TRPV2: variants seen among roughly 807,000 people sequenced by gnomAD.
The protein encoded by TRPV2 is transient receptor potential cation channel subfamily V member 2, also known as OTRPC2.
TRPV2 carries 58 observed loss-of-function variants against 91.0 expected under a neutral mutation model. The ratio of observed to expected loss-of-function variants is 0.64; its 90% CI spans 0.52 to 0.79. The LOEUF is 0.79. Ranked by LOEUF, TRPV2 falls within the 30% of genes least tolerant of loss-of-function variation. The pLI, the probability that TRPV2 is intolerant of heterozygous loss-of-function variation, is 0.00. For synonymous variants in TRPV2, 417 were observed against 414.8 expected (o/e 1.01, Z -0.06); for missense variants, 807 against 969.6 (o/e 0.83, Z 2.23).
At chr17:16,434,716 C>T (rs2093428111) in intron 13 of TRPV2, 174 bp from the exon 14 acceptor site, 2 of 559,820 alleles carry the variant, frequency 3.6e-6, no homozygotes, top group South Asian at 2.5e-5. Flanking sequence ...CAGGACAGGG[C>T]TCCAAGTGGG....
intron 3 of TRPV2, among the ~76,000 whole-genome samples, chr17:16,420,528 T>C (rs754355738): frequency 4.6e-5 from 7 of 152,196 alleles, no homozygotes; most frequent in Non-Finnish European, 1.0e-4. Context: ...AAGCAATCTT[T>C]TTTTATCTTT....
intron 2 of TRPV2, 46 bp downstream of exon 2, chr17:16,417,914 C>T (rs773466777): frequency 3.8e-6 from 6 of 1,566,924 alleles, no homozygotes; most frequent in South Asian, 1.1e-5. Context: ...CCCTGCCCAG[C>T]TCCAGCAGAG....
intron 10 of TRPV2, among the ~76,000 whole-genome samples, chr17:16,430,319 A>G (rs4792744): frequency 6.6e-6 from 1 of 151,938 alleles, no homozygotes. Flanking sequence ...CCCTTCCCCC[A>G]GTCCCTGGAA....
intron 3 of TRPV2, among the ~76,000 whole-genome samples, chr17:16,420,763 T>C (rs190807577): frequency 6.6e-6 from 1 of 152,266 alleles, no homozygotes; most frequent in East Asian, 1.9e-4. Context: ...AATGCATCTG[T>C]TCAGACTTTC....
At chr17:16,432,367 C>G in intron 12 of TRPV2, 67 bp downstream of exon 12, 1 of 1,448,252 alleles carries the variant, frequency 6.9e-7, no homozygotes, top group East Asian at 2.4e-5. Context: ...TGCTCCGGAC[C>G]CTGCGGAGCT....
At chr17:16,433,376 C>CT (rs1288568780) in intron 12 of TRPV2, 198 bp from the exon 13 acceptor site, 5 of 646,292 alleles carry the variant, frequency 7.7e-6, no homozygotes, top group South Asian at 1.9e-5. Context: ...AATGGGGAAA[C>CT]TGAGATGCAG....
At chr17:16,430,487 C>CTTTTTTTTTTTTTTTTTTT (rs576176898) in intron 10 of TRPV2, among the ~76,000 whole-genome samples, 1 of 80,480 alleles carries the variant, frequency 1.2e-5, no homozygotes, top group South Asian at 3.4e-4. Flanking sequence ...AAATGCCTTC[C>CTTTTTTTTTTTTTTTTTTT]TTTTTTTTTT....
intron 10 of TRPV2, among the ~76,000 whole-genome samples, chr17:16,431,276 TATATATATATACATA>T (rs1206921350): frequency 7.8e-5 from 6 of 76,804 alleles, no homozygotes; most frequent in Middle Eastern, 5.9e-3. Context: ...TATATATATA[TATATATATATACATA>T]TTTTTTTTTT....
chr17:16,422,480 A>T (rs1243135635), intron 3 of TRPV2, 119 bp from the exon 4 acceptor site: 2 of 971,736 alleles, frequency 2.1e-6, no homozygotes, highest in Admixed American at 2.5e-5. Flanking sequence ...AGTTATGTGT[A>T]GCATCTCTTT....
chr17:16,428,681 A>G (rs2093396193), intron 9 of TRPV2, 136 bp from the exon 10 acceptor site: 1 of 940,716 alleles, frequency 1.1e-6, no homozygotes, highest in Non-Finnish European at 1.6e-6. Context: ...CCCATTTTAC[A>G]GTGGGAGGGA....
At chr17:16,428,243 C>G (rs1445811809) in intron 8 of TRPV2, 74 bp from the exon 9 acceptor site, 1 of 1,442,024 alleles carries the variant, frequency 6.9e-7, no homozygotes, top group Admixed American at 1.7e-5. Context: ...GTGGCAGGCT[C>G]CCACTCAGCC....
chr17:16,433,491 C>T, intron 12 of TRPV2, 83 bp from the exon 13 acceptor site: 1 of 1,560,098 alleles, frequency 6.4e-7, no homozygotes. Context: ...CTGCGCGGCA[C>T]TTCCCTGCTC....
At chr17:16,434,830 C>T (rs1028041487) in intron 13 of TRPV2, 60 bp from the exon 14 acceptor site, 27 of 1,533,318 alleles carry the variant, frequency 1.8e-5, no homozygotes, top group South Asian at 4.5e-5. Context: ...CGCCCCTCTC[C>T]GGGGTGGGAG....
chr17:16,434,360 C>T (rs1338239466), intron 13 of TRPV2, among the ~76,000 whole-genome samples: 2 of 150,958 alleles, frequency 1.3e-5, no homozygotes, highest in East Asian at 3.9e-4. Flanking sequence ...CCCAGCTACT[C>T]AGGAGGCCGA....
chr17:16,429,458 AAAC>A (rs2093399864), intron 10 of TRPV2, among the ~76,000 whole-genome samples: 1 of 152,186 alleles, frequency 6.6e-6, no homozygotes. Flanking sequence ...AACCTTAAGA[AAAC>A]AACTGAGAAC....
intron 5 of TRPV2, 124 bp downstream of exon 5, chr17:16,423,891 C>A: frequency 1.1e-6 from 1 of 915,226 alleles, no homozygotes; most frequent in Non-Finnish European, 1.6e-6. Flanking sequence ...CAATGGAACA[C>A]TCCTGTTAGT....
Position 16,426,825 on chromosome 17 carries a change from T to G in TRPV2, c.1199T>G (p.Ile400Ser). Residue 400 changes from isoleucine to serine, a missense_variant, in exon 7 of 15, where the codon ATC (isoleucine) becomes AGC (serine). Coordinates refer to ENST00000338560, the MANE Select transcript of TRPV2 (RefSeq NM_016113.5). The surrounding 1 kb of genome is among the most constrained non-coding windows in gnomAD (Gnocchi z 6.0). ...KFFLNFLCNL[I>S]YMFIFTAVAY... is the part of the protein sequence containing the mutation. ...TTCTTAAACTTCCTGTGTAATCTGA[T>G]CTACATGTTCATCTTCACCGCTGTT... The G allele has an allele frequency of 1.2e-6, 2 of 1,613,902 alleles. No individual in the cohort carries two copies. The highest frequency in any genetic ancestry group is 1.7e-6 in the Non-Finnish European group (2 of 1,179,960).
Position 16,422,669 on chromosome 17 carries a change from T to C in TRPV2, c.405T>C (p.Ile135=). The part of the protein sequence containing the change: ...LNLKDGVNAC[I]LPLLQIDRDS... ...TTAAGGACGGAGTCAATGCCTGCAT[T>C]CTGCCACTGCTGCAGATCGACAGGG... The change falls in exon 4 of 15, where the codon ATT becomes ATC. Residue 135 remains isoleucine (I), a synonymous_variant. Transcript: ENST00000338560. The C allele has an allele frequency of 6.2e-7, 1 of 1,613,932 alleles. No individual in the cohort carries two copies. Among genetic ancestry groups the C allele is most frequent in the Non-Finnish European group, 8.5e-7 (1 of 1,179,910 alleles).
At chr17:16,428,246 A>G (rs574999366) in intron 8 of TRPV2, 71 bp from the exon 9 acceptor site, 2 of 1,486,174 alleles carry the variant, frequency 1.3e-6, no homozygotes, top group Admixed American at 3.3e-5. Flanking sequence ...GCAGGCTCCC[A>G]CTCAGCCAGG....
Sources: gnomAD v4.1 joint callset for allele counts (sites outside exome capture counted in the v4.1 genomes callset) on GRCh38, gnomAD v4.1.1 for gene constraint, Gnocchi (gnomAD v3.1) non-coding constraint, MANE v1.5 for transcripts, NCBI Gene and HGNC (gene_info 2026-07-23, HGNC 2026-07-21) for gene names.